The following KHDRBS2 variants were observed in gnomAD, a reference collection of about 807,000 sequenced individuals.
KHDRBS2 encodes the protein KH domain-containing, RNA-binding, signal transduction-associated protein 2.
A neutral mutation model predicts 44.3 loss-of-function variants in KHDRBS2; 26 were observed. The observed-to-expected ratio is 0.59, with a 90% CI of 0.43 to 0.81. The LOEUF (loss-of-function observed/expected upper bound fraction) is 0.81, where lower values mean the gene tolerates loss of function less well. Among genes scored for constraint, KHDRBS2 ranks in the 40% least tolerant of loss-of-function variants. The pLI is 0.00. For missense variants in KHDRBS2, 476 were observed against 433.1 expected (o/e 1.10, Z -0.88); for synonymous variants, 194 against 151.1 (o/e 1.28, Z -2.08).
intron 1 of KHDRBS2, among the ~76,000 whole-genome samples, chr6:62,236,197 C>T (rs1175679956): frequency 1.3e-5 from 2 of 151,946 alleles, no homozygotes; most frequent in Non-Finnish European, 1.5e-5. Context: ...TATACCTTAA[C>T]AATAAAAGAG....
chr6:62,081,296 A>C (rs1474043602), intron 2 of KHDRBS2, among the ~76,000 whole-genome samples: 4 of 152,166 alleles, frequency 2.6e-5, no homozygotes, highest in Non-Finnish European at 5.9e-5. Flanking sequence ...ATGACTTCTT[A>C]AGTGAGATCA....
chr6:61,852,488 C>T (rs1218859218), intron 6 of KHDRBS2, among the ~76,000 whole-genome samples: 1 of 150,094 alleles, frequency 6.7e-6, no homozygotes, highest in Non-Finnish European at 1.5e-5. Flanking sequence ...CATTTGAACC[C>T]GGGAGGCAGA....
rs552197571 is a variant in KHDRBS2, at chr6:62,189,131, C to CA, written c.92-11820dup. Among the ~76,000 whole-genome samples the CA allele has an allele frequency of 2.0e-3, 289 of 143,724 alleles. 2 individuals carry two copies. The East Asian group carries it at 0.021, about 11-fold the overall frequency. The allele number at this position is 143,724 out of a possible 152,430, so 94.3% of individuals were successfully genotyped here. ...GAGTCTGTCTCCAAGAAACAAAAAA[C>CA]AAAAAAAAAAGAAGAAGAAAGAAAA... On this transcript the variant is annotated intron_variant, in intron 1 of 8. Coordinates refer to ENST00000281156, the MANE Select transcript of KHDRBS2 (RefSeq NM_152688.4).
chr6:61,633,557 A>G, the KHDRBS2 span, among the ~76,000 whole-genome samples: 1 of 152,082 alleles, frequency 6.6e-6, no homozygotes, highest in Non-Finnish European at 1.5e-5. Context: ...TATCTACAGT[A>G]GCACTTTTTC....
intron 1 of KHDRBS2, among the ~76,000 whole-genome samples, chr6:62,194,194 T>C (rs1334581714): frequency 6.6e-6 from 1 of 152,122 alleles, no homozygotes; most frequent in Non-Finnish European, 1.5e-5. Context: ...AGGAGTTTTA[T>C]AACTTCAGCT....
chr6:61,671,073 G>A, the KHDRBS2 span, among the ~76,000 whole-genome samples: 2 of 151,580 alleles, frequency 1.3e-5, no homozygotes, highest in African/African-American at 4.8e-5. Flanking sequence ...ATTTCATCAT[G>A]TCTAAAAAAG....
intron 1 of KHDRBS2, among the ~76,000 whole-genome samples, chr6:62,181,988 TGAGTAAGTTAAGG>T (rs1315674303): frequency 1.3e-5 from 2 of 151,824 alleles, no homozygotes; most frequent in Non-Finnish European, 2.9e-5. Flanking sequence ...GATAAATAAA[TGAGTAAGTTAAGG>T]GAGCTCATTC....
the KHDRBS2 span, among the ~76,000 whole-genome samples, chr6:61,663,632 A>G: frequency 6.7e-6 from 1 of 148,530 alleles, no homozygotes; most frequent in Non-Finnish European, 1.5e-5. Context: ...GTCTGGTAGC[A>G]GTATCCTTAA....
intron 6 of KHDRBS2, among the ~76,000 whole-genome samples, chr6:61,767,139 G>A (rs1294103005): frequency 1.3e-5 from 2 of 152,014 alleles, no homozygotes; most frequent in Non-Finnish European, 2.9e-5. Flanking sequence ...GTGCTCCAAT[G>A]TTGGGTACAT....
intron 1 of KHDRBS2, among the ~76,000 whole-genome samples, chr6:62,268,494 C>A (rs1487184126): frequency 6.6e-6 from 1 of 152,044 alleles, no homozygotes; most frequent in Non-Finnish European, 1.5e-5. Context: ...TAAAGATGAG[C>A]TATCATCGTG....
At chr6:62,064,910 A>G (rs1171090980) in intron 2 of KHDRBS2, among the ~76,000 whole-genome samples, 1 of 150,980 alleles carries the variant, frequency 6.6e-6, no homozygotes, top group Middle Eastern at 3.2e-3. Context: ...TCCAGAATCT[A>G]CAATGAACTC....
chr6:61,797,842 G>A (rs1054515209), intron 6 of KHDRBS2, among the ~76,000 whole-genome samples: 9 of 151,426 alleles, frequency 5.9e-5, no homozygotes, highest in Non-Finnish European at 1.0e-4. Flanking sequence ...TTGTAGAGGG[G>A]ACTTCAGTCA....
intron 1 of KHDRBS2, among the ~76,000 whole-genome samples, chr6:62,266,822 TAG>T (rs1375141604): frequency 6.6e-6 from 1 of 152,012 alleles, no homozygotes; most frequent in African/African-American, 2.4e-5. Context: ...CGAGGATTAG[TAG>T]AGTTTGAAAA....
At chr6:61,812,946 T>G (rs2127238077) in intron 6 of KHDRBS2, among the ~76,000 whole-genome samples, 1 of 152,228 alleles carries the variant, frequency 6.6e-6, no homozygotes, top group East Asian at 1.9e-4. Flanking sequence ...CATGATAATT[T>G]AAGTTACTTG....
intron 6 of KHDRBS2, among the ~76,000 whole-genome samples, chr6:61,770,953 A>T (rs1325294198): frequency 6.6e-6 from 1 of 152,234 alleles, no homozygotes; most frequent in African/African-American, 2.4e-5. Context: ...CAGGTTACCC[A>T]CAAAGGGAAG....
At chr6:62,019,512 G>A (rs1781860116) in intron 3 of KHDRBS2, among the ~76,000 whole-genome samples, 1 of 152,038 alleles carries the variant, frequency 6.6e-6, no homozygotes, top group Non-Finnish European at 1.5e-5. Flanking sequence ...TATATCTTGT[G>A]TAGAATTGGT....
the KHDRBS2 span, among the ~76,000 whole-genome samples, chr6:61,616,410 C>T: frequency 2.0e-5 from 3 of 150,012 alleles, no homozygotes; most frequent in Admixed American, 6.7e-5. Context: ...ATGGGATGAC[C>T]CTATGCTAAG....
intron 2 of KHDRBS2, among the ~76,000 whole-genome samples, chr6:62,062,686 A>G (rs1181988909): frequency 2.0e-5 from 3 of 148,682 alleles, no homozygotes; most frequent in Admixed American, 2.0e-4. Flanking sequence ...GGAAAGATCC[A>G]AAATTGACAC....
intron 2 of KHDRBS2, among the ~76,000 whole-genome samples, chr6:62,173,490 C>G (rs888537101): frequency 6.6e-6 from 1 of 152,008 alleles, no homozygotes; most frequent in Non-Finnish European, 1.5e-5. Context: ...GGATTCACAT[C>G]CAGATTTTAC....
Sources: allele counts gnomAD v4.1 joint callset (sites outside exome capture counted in the v4.1 genomes callset), GRCh38; gene constraint gnomAD v4.1.1; transcripts MANE v1.5; gene names NCBI Gene and HGNC (gene_info 2026-07-23, HGNC 2026-07-21).